Variants in MERTK observed in about 807,000 individuals in gnomAD.
MERTK encodes the protein MER proto-oncogene, tyrosine kinase, also known as tyrosine-protein kinase Mer.
In MERTK, 69 loss-of-function variants were observed where a neutral mutation model predicts 99.3. That is an observed-to-expected ratio of 0.70 (90% CI 0.57 to 0.85). The LOEUF (loss-of-function observed/expected upper bound fraction) is 0.85. Among genes scored for constraint, MERTK ranks in the 40% least tolerant of loss-of-function variants. The pLI is 0.00. For synonymous variants in MERTK, 426 were observed against 467.6 expected (o/e 0.91, Z 1.15); for missense variants, 1,125 against 1,249.4 (o/e 0.90, Z 1.50).
chr2:111,967,590 A>T (rs1685381645), intron 5 of MERTK, among the ~76,000 whole-genome samples: 1 of 151,226 alleles, frequency 6.6e-6, no homozygotes, highest in Admixed American at 6.6e-5. Context: ...GCTTGAACTG[A>T]CTCTTAGTGT....
At chr2:111,903,117 C>T (rs935794076) in intron 1 of MERTK, among the ~76,000 whole-genome samples, 1 of 151,964 alleles carries the variant, frequency 6.6e-6, no homozygotes, top group Non-Finnish European at 1.5e-5. Context: ...ACTGTCCCCC[C>T]ACCACAAGGT....
chr2:112,019,477 G>A lies in MERTK; in HGVS notation c.2144G>A (p.Ser715Asn), dbSNP rs1391947484. 1.9e-6 allele frequency: 3 copies of A among 1,613,994 alleles called. No individual in the cohort carries two copies. Among genetic ancestry groups the A allele is most frequent in the Non-Finnish European group, 2.5e-6 (3 of 1,179,892 alleles). The part of the protein sequence containing the change: ...VDIALGMEYL[S>N]NRNFLHRDLA... ...ATTGCCCTGGGAATGGAGTATCTGAGCAACAGGAATTTTCTTCATCGAGAT... is the reference window on the plus strand; with the variant it reads ...ATTGCCCTGGGAATGGAGTATCTGAACAACAGGAATTTTCTTCATCGAGAT... The change falls in exon 16 of 19, where the codon AGC (serine) becomes AAC (asparagine). Residue 715 changes from serine to asparagine, a missense_variant. Ser to Asn is a conservative substitution (Grantham distance 46). Transcript: ENST00000295408.
At chr2:111,951,548 T>TATATATAC (rs1491494901) in intron 4 of MERTK, among the ~76,000 whole-genome samples, 14 of 118,912 alleles carry the variant, frequency 1.2e-4, no homozygotes, top group African/African-American at 4.0e-4. Flanking sequence ...TATATATATA[T>TATATATAC]ACCATAATTT....
rs140482542 is a variant in MERTK, at chr2:111,909,421, A to C, written c.61+10625A>C. Among the ~76,000 whole-genome samples, 1,017 of 152,324 alleles carry C rather than the reference A, an allele frequency of 6.7e-3. 3 individuals carry two copies. The highest frequency in any genetic ancestry group is 0.011 in the Non-Finnish European group (749 of 68,028). ...CCTCATTTAGGATTAAACAAGTTTT[A>C]CTGGGGATCTTAAGAAATTCCCCAG... On this transcript the variant is annotated intron_variant, in intron 1 of 18. Coordinates refer to ENST00000295408, the MANE Select transcript of MERTK (RefSeq NM_006343.3).
At chr2:111,957,912 C>G (rs1685179698) in intron 4 of MERTK, among the ~76,000 whole-genome samples, 1 of 152,182 alleles carries the variant, frequency 6.6e-6, no homozygotes, top group East Asian at 1.9e-4. Context: ...AGAACTGGCT[C>G]AACTGTGCTC....
At position 112,021,555 on chromosome 2, in the gene MERTK, C is replaced by G; in HGVS notation, c.2323C>G (p.Arg775Gly). 1 of 1,550,596 alleles carries G rather than the reference C, an allele frequency of 6.4e-7. No individual in the cohort carries two copies. The highest frequency in any genetic ancestry group is 8.7e-7 in the Non-Finnish European group (1 of 1,148,232). ...GATCGCCATAGAAAGTCTTGCAGAC[C>G]GAGTCTACACAAGTAAAAGTGATGT... ...KWIAIESLAD[R>G]VYTSKSDVWA... Residue 775 changes from arginine (R) to glycine (G), a missense_variant, in exon 17 of 19, where the codon CGA (arginine) becomes GGA (glycine). Transcript: ENST00000295408.
Position 111,917,843 on chromosome 2 carries a change from C to T in MERTK, c.62-11277C>T, listed in dbSNP as rs1003132597. The stretch of plus-strand genomic sequence containing the variant: ...GAGGTTGCAGTGAGTCGAGATCGTG[C>T]GACTACACTCCAGCCTGGTGACAGA... On this transcript the variant is annotated intron_variant, in intron 1 of 18. Coordinates refer to ENST00000295408, the MANE Select transcript of MERTK (RefSeq NM_006343.3). Among the ~76,000 whole-genome samples the T allele has an allele frequency of 8.7e-5, 13 of 149,740 alleles. No homozygotes were observed. The South Asian group carries it at 1.5e-3, about 17-fold the overall frequency.
chr2:111,966,327 G>A lies in MERTK; in HGVS notation c.844+1050G>A, dbSNP rs868653351. 9.9e-5 allele frequency among the ~76,000 whole-genome samples: 15 copies of A among 152,074 alleles called. No individual in the cohort carries two copies. In the South Asian group the frequency reaches 1.0e-3, roughly 11 times the overall value. On this transcript the variant is annotated intron_variant, in intron 5 of 18. Coordinates refer to ENST00000295408, the MANE Select transcript of MERTK (RefSeq NM_006343.3). Reference sequence around the variant, plus strand: ...GTTTCAGCAAATCAACTGGACAAACGCTATGAAAGGGAATATTCTAAAAGT... The same window carrying A: ...GTTTCAGCAAATCAACTGGACAAACACTATGAAAGGGAATATTCTAAAAGT...
intron 18 of MERTK, among the ~76,000 whole-genome samples, chr2:112,028,021 G>T (rs1677504693): frequency 6.6e-6 from 1 of 152,206 alleles, no homozygotes; most frequent in African/African-American, 2.4e-5. Flanking sequence ...TATTTACAAA[G>T]TAGACAGTGG....
intron 1 of MERTK, among the ~76,000 whole-genome samples, chr2:111,923,874 C>T (rs1272147963): frequency 6.6e-6 from 1 of 152,164 alleles, no homozygotes; most frequent in Non-Finnish European, 1.5e-5. Flanking sequence ...AATTTAGCAA[C>T]TTAAAATATA....
chr2:111,972,501 T>C (rs1251985983), intron 6 of MERTK, among the ~76,000 whole-genome samples: 1 of 152,080 alleles, frequency 6.6e-6, no homozygotes, highest in Non-Finnish European at 1.5e-5. Context: ...CACACAAGAT[T>C]TACCTGCTCT....
chr2:111,954,751 G>A (rs1199089111), intron 4 of MERTK, among the ~76,000 whole-genome samples: 1 of 152,058 alleles, frequency 6.6e-6, no homozygotes, highest in Non-Finnish European at 1.5e-5. Flanking sequence ...AGACCCAAAG[G>A]GCTAAAACAA....
intron 6 of MERTK, among the ~76,000 whole-genome samples, chr2:111,973,175 C>T (rs1199431525): frequency 6.6e-6 from 1 of 152,152 alleles, no homozygotes; most frequent in African/African-American, 2.4e-5. Flanking sequence ...CTCTGTTTTC[C>T]TCTAGGAACG....
chr2:112,004,712 C>T (rs1676945614), intron 13 of MERTK, among the ~76,000 whole-genome samples: 1 of 152,066 alleles, frequency 6.6e-6, no homozygotes, highest in Admixed American at 6.5e-5. Context: ...GAGTTTGAGA[C>T]CAGCCTGACC....
intron 15 of MERTK, 73 bp from the exon 16 acceptor site, chr2:112,019,340 C>CG (rs767572808): frequency 1.8e-6 from 2 of 1,082,070 alleles, no homozygotes; most frequent in East Asian, 2.4e-5. Context: ...ATCCTTTCCC[C>CG]CCCCGGCAGA....
intron 1 of MERTK, among the ~76,000 whole-genome samples, chr2:111,902,129 C>T (rs1327907977): frequency 6.6e-6 from 1 of 152,238 alleles, no homozygotes; most frequent in Non-Finnish European, 1.5e-5. Context: ...AGGTGATCTG[C>T]CTGCCTTGGC....
chr2:112,006,491 C>T (rs936621325), intron 13 of MERTK, among the ~76,000 whole-genome samples: 27 of 152,098 alleles, frequency 1.8e-4, no homozygotes, highest in African/African-American at 6.0e-4. Flanking sequence ...TTTATCTGAG[C>T]CTCACAGTGC....
chr2:111,996,076 G>C (rs1037788752), intron 9 of MERTK: 1 of 154,362 alleles, frequency 6.5e-6, no homozygotes, highest in Non-Finnish European at 1.5e-5. Flanking sequence ...TTCGGAGGCC[G>C]AGGCAGTTGG....
chr2:112,019,066 C>T (rs987966133), intron 15 of MERTK, among the ~76,000 whole-genome samples: 1 of 151,608 alleles, frequency 6.6e-6, no homozygotes, highest in Non-Finnish European at 1.5e-5. Flanking sequence ...ACCACCTGTC[C>T]CTTTCCCTCC....
Sources: gnomAD v4.1 joint callset for allele counts (sites outside exome capture counted in the v4.1 genomes callset) on GRCh38, gnomAD v4.1.1 for gene constraint, MANE v1.5 for transcripts, NCBI Gene and HGNC (gene_info 2026-07-23, HGNC 2026-07-21) for gene names.